The following SLC24A4 variants were observed in gnomAD, a reference collection of about 807,000 sequenced individuals.
SLC24A4 encodes the protein solute carrier family 24 member 4.
Under a neutral mutation model 79.0 loss-of-function variants are expected in SLC24A4, and 53 were observed. The ratio of observed to expected loss-of-function variants is 0.67; its 90% CI spans 0.54 to 0.84. The LOEUF (loss-of-function observed/expected upper bound fraction) is 0.84, where lower values mean the gene tolerates loss of function less well. Ranked by LOEUF, SLC24A4 falls within the 40% of genes least tolerant of loss-of-function variation. The probability of loss-of-function intolerance (pLI) is 0.00; values close to 1 mark genes in which losing one functional copy is unlikely to be tolerated. For missense variants in SLC24A4, 731 were observed against 822.0 expected, an observed-to-expected ratio of 0.89 and a Z score of 1.35; for synonymous variants, 323 against 323.8, an observed-to-expected ratio of 1.00 and a Z score of 0.03.
intron 2 of SLC24A4, among the ~76,000 whole-genome samples, chr14:92,360,616 T>G (rs1353587004): frequency 6.6e-6 from 1 of 152,250 alleles, no homozygotes; most frequent in Non-Finnish European, 1.5e-5. Flanking sequence ...CCATTTGTGT[T>G]GGGTGATACC....
At chr14:92,340,757 T>A in intron 2 of SLC24A4, among the ~76,000 whole-genome samples, 1 of 152,124 alleles carries the variant, frequency 6.6e-6, no homozygotes, top group South Asian at 2.1e-4. Flanking sequence ...CGGATCCCCC[T>A]AATTCTGCGC....
chr14:92,348,984 A>G (rs1393477334), intron 2 of SLC24A4, among the ~76,000 whole-genome samples: 1 of 152,080 alleles, frequency 6.6e-6, no homozygotes, highest in Non-Finnish European at 1.5e-5. Context: ...ACCAGCTCGC[A>G]GGGAGGCACC....
At chr14:92,443,839 G>A (rs1416937899) in intron 7 of SLC24A4, among the ~76,000 whole-genome samples, 4 of 152,190 alleles carry the variant, frequency 2.6e-5, no homozygotes, top group Non-Finnish European at 5.9e-5. Context: ...TGGCGGGCAG[G>A]GCTGCGCTTG....
intron 12 of SLC24A4, among the ~76,000 whole-genome samples, chr14:92,482,417 CT>C (rs1895112860): frequency 6.6e-6 from 1 of 152,210 alleles, no homozygotes; most frequent in African/African-American, 2.4e-5. Flanking sequence ...TCTGTTCCCC[CT>C]CAGCCTCACT....
At chr14:92,333,176 C>T (rs1202426126) in intron 2 of SLC24A4, among the ~76,000 whole-genome samples, 1 of 152,190 alleles carries the variant, frequency 6.6e-6, no homozygotes, top group South Asian at 2.1e-4. Flanking sequence ...TCACTGCAAC[C>T]TCTGCCTCCC....
chr14:92,375,448 A>T (rs546906960), intron 2 of SLC24A4, among the ~76,000 whole-genome samples: 1 of 152,264 alleles, frequency 6.6e-6, no homozygotes, highest in South Asian at 2.1e-4. Context: ...AATTCCACTC[A>T]TAAGTATCTA....
At chr14:92,473,701 C>T (rs967645972) in intron 12 of SLC24A4, among the ~76,000 whole-genome samples, 8 of 152,178 alleles carry the variant, frequency 5.3e-5, no homozygotes, top group Non-Finnish European at 7.3e-5. Flanking sequence ...TCCCCATGCT[C>T]GTCTCTGTCC....
At chr14:92,354,903 A>G (rs112049397) in intron 2 of SLC24A4, among the ~76,000 whole-genome samples, 3,755 of 152,234 alleles carry the variant, frequency 0.025, 173 homozygotes, top group African/African-American at 0.086. Flanking sequence ...GCGAAACCCC[A>G]TCTCTACTAA....
At chr14:92,334,131 A>G (rs1885638407) in intron 2 of SLC24A4, among the ~76,000 whole-genome samples, 1 of 152,230 alleles carries the variant, frequency 6.6e-6, no homozygotes, top group African/African-American at 2.4e-5. Context: ...CAAGTCACAC[A>G]TCCAAATTTT....
At chr14:92,472,247 T>C (rs1894476337) in intron 12 of SLC24A4, among the ~76,000 whole-genome samples, 1 of 152,236 alleles carries the variant, frequency 6.6e-6, no homozygotes, top group African/African-American at 2.4e-5. Flanking sequence ...CAGTTCTCTT[T>C]TTTTAAATTT....
chr14:92,342,560 T>A (rs1384028661), intron 2 of SLC24A4, among the ~76,000 whole-genome samples: 1 of 151,966 alleles, frequency 6.6e-6, no homozygotes, highest in Admixed American at 6.6e-5. Context: ...ATTTTGTATT[T>A]TTAGTAGAGA....
intron 2 of SLC24A4, among the ~76,000 whole-genome samples, chr14:92,403,659 C>G (rs1029417608): frequency 6.6e-6 from 1 of 151,540 alleles, no homozygotes; most frequent in East Asian, 1.9e-4. Context: ...AGGTCTGTAA[C>G]CCGGACCTCA....
intron 14 of SLC24A4, among the ~76,000 whole-genome samples, chr14:92,489,379 C>T (rs1165805393): frequency 1.3e-5 from 2 of 151,986 alleles, no homozygotes; most frequent in Non-Finnish European, 2.9e-5. Flanking sequence ...GCAGATGTTA[C>T]AGTGAACCAC....
At chr14:92,486,552 C>T in intron 13 of SLC24A4, 114 bp from the exon 14 acceptor site, 1 of 668,736 alleles carries the variant, frequency 1.5e-6, no homozygotes, top group Admixed American at 2.8e-5. Context: ...GAGGCAGCCC[C>T]AGTAATTCTA....
At chr14:92,451,429 C>T (rs369603408) in intron 10 of SLC24A4, 3 of 152,258 alleles carry the variant, frequency 2.0e-5, no homozygotes, top group East Asian at 1.9e-4. Context: ...TTTTCCTTTC[C>T]TAAGGGCGGT....
intron 2 of SLC24A4, among the ~76,000 whole-genome samples, chr14:92,363,171 T>C (rs1408583970): frequency 6.6e-6 from 1 of 152,236 alleles, no homozygotes; most frequent in Non-Finnish European, 1.5e-5. Context: ...GACCGACTGC[T>C]TGCTTCCAGC....
intron 12 of SLC24A4, among the ~76,000 whole-genome samples, chr14:92,471,102 C>A (rs1894418795): frequency 6.6e-6 from 1 of 152,196 alleles, no homozygotes; most frequent in Non-Finnish European, 1.5e-5. Flanking sequence ...AGTGACAGAG[C>A]CTTAAAGTCA....
At chr14:92,384,645 G>T (rs369934928) in intron 2 of SLC24A4, among the ~76,000 whole-genome samples, 38 of 152,194 alleles carry the variant, frequency 2.5e-4, no homozygotes, top group African/African-American at 8.2e-4. Context: ...TGGCTTCATG[G>T]AGGTGGCATT....
chr14:92,500,508 TA>T lies in SLC24A4; in HGVS notation c.*6882del, dbSNP rs1362065765. 2 of 152,394 alleles carry T rather than the reference TA, an allele frequency of 1.3e-5. No homozygotes were observed. Among genetic ancestry groups the T allele is most frequent in the Middle Eastern group, 3.4e-3 (1 of 294 alleles). 9.4% of individuals were successfully genotyped at this position (152,394 alleles called of 1,614,324 possible). A position where few individuals can be genotyped will look rare whatever the true frequency, so the allele number is the denominator to read the frequency against. ...AACAAGGCAGCTCTGTTTTTCTAAA[TA>T]AGTTGTTCTTGTGAGTTTTTTCTGG... is the stretch of plus-strand genomic sequence containing the variant. On this transcript the variant is annotated 3_prime_UTR_variant, in exon 17 of 17. Transcript: ENST00000532405.
Sources: allele counts gnomAD v4.1 joint callset (sites outside exome capture counted in the v4.1 genomes callset), GRCh38; gene constraint gnomAD v4.1.1; transcripts MANE v1.5; gene names NCBI Gene and HGNC (gene_info 2026-07-23, HGNC 2026-07-21).